GOLGA6L26: variants seen among roughly 807,000 people sequenced by gnomAD.
The protein encoded by GOLGA6L26 is golgin subfamily A member 6-like protein 26.
chr15:23,327,248 T>C, the GOLGA6L26 span: 1 of 356,964 alleles, frequency 2.8e-6, no homozygotes, highest in African/African-American at 7.7e-5. Flanking sequence ...CATCTTCTCT[T>C]CCTGCTCCCC....
the GOLGA6L26 span, chr15:23,327,382 C>G: frequency 1.6e-6 from 1 of 608,280 alleles, no homozygotes. Flanking sequence ...CCTCCTGCCT[C>G]CACATCTTCT....
chr15:23,334,047 C>A, the GOLGA6L26 span: 1 of 386,232 alleles, frequency 2.6e-6, no homozygotes, highest in Non-Finnish European at 4.5e-6. Context: ...TTTGCTCTGT[C>A]TGGTTTCTTT....
At chr15:23,330,448 TA>T in the GOLGA6L26 span, among the ~76,000 whole-genome samples, 5 of 117,496 alleles carry the variant, frequency 4.3e-5, 2 homozygotes, top group Admixed American at 8.0e-5. Flanking sequence ...AACCGCCACT[TA>T]GGACTTGGCC....
chr15:23,327,309 C>T, the GOLGA6L26 span: 322 of 831,230 alleles, frequency 3.9e-4, 38 homozygotes, highest in Non-Finnish European at 5.5e-4. Flanking sequence ...CGTATCTTCT[C>T]CTCCTGCTCC....
At chr15:23,334,175 A>C in the GOLGA6L26 span, 8 of 382,676 alleles carry the variant, frequency 2.1e-5, no homozygotes, top group South Asian at 2.3e-4. Flanking sequence ...ACCTCCAGTC[A>C]CCTCTACGTC....
At chr15:23,327,319 C>T in the GOLGA6L26 span, 5,604 of 922,854 alleles carry the variant, frequency 6.1e-3, 895 homozygotes, top group Non-Finnish European at 6.5e-3. Context: ...CCTCCTGCTC[C>T]CGTATCTTCT....
the GOLGA6L26 span, among the ~76,000 whole-genome samples, chr15:23,333,211 GAC>G: frequency 6.9e-6 from 1 of 144,652 alleles, no homozygotes; most frequent in Non-Finnish European, 1.6e-5. Flanking sequence ...GCCACCCAGA[GAC>G]ACTGTCAACG....
chr15:23,333,541 G>GA, the GOLGA6L26 span, among the ~76,000 whole-genome samples: 1 of 25,690 alleles, frequency 3.9e-5, no homozygotes. Context: ...GACTGGGGAG[G>GA]GGGTCACAAA....
chr15:23,327,430 C>G, the GOLGA6L26 span: 230 of 458,354 alleles, frequency 5.0e-4, 36 homozygotes, highest in Non-Finnish European at 3.4e-4. Flanking sequence ...GGTCGTGCAT[C>G]TTCTCCTCCT....
At chr15:23,327,021 CCTG>C in the GOLGA6L26 span, 1 of 290,452 alleles carries the variant, frequency 3.4e-6, no homozygotes, top group Non-Finnish European at 6.0e-6. Context: ...ATCTTCTCCT[CCTG>C]TTCTTGCATC....
the GOLGA6L26 span, among the ~76,000 whole-genome samples, chr15:23,328,346 C>G: frequency 4.9e-5 from 1 of 20,618 alleles, no homozygotes; most frequent in African/African-American, 1.6e-4. Context: ...GAAACCCCGT[C>G]TCTACTAAAA....
chr15:23,333,386 C>CT, the GOLGA6L26 span, among the ~76,000 whole-genome samples: 2 of 79,106 alleles, frequency 2.5e-5, no homozygotes, highest in Non-Finnish European at 5.7e-5. Context: ...GGCAAGAACA[C>CT]TTAGGGGACT....
the GOLGA6L26 span, among the ~76,000 whole-genome samples, chr15:23,331,552 C>T: frequency 7.6e-6 from 1 of 132,190 alleles, no homozygotes; most frequent in African/African-American, 2.7e-5. Flanking sequence ...AGGCACAGTT[C>T]TCAGACCCAA....
At chr15:23,334,153 G>C in the GOLGA6L26 span, 1 of 561,946 alleles carries the variant, frequency 1.8e-6, no homozygotes, top group Non-Finnish European at 2.7e-6. Context: ...ATCCAGGTGA[G>C]GACAAGTATA....
chr15:23,332,468 AT>A, the GOLGA6L26 span: 3 of 1,285,192 alleles, frequency 2.3e-6, no homozygotes, highest in Non-Finnish European at 3.2e-6. Flanking sequence ...AGACCATCTG[AT>A]TTAATGCCAC....
At chr15:23,330,440 C>T in the GOLGA6L26 span, among the ~76,000 whole-genome samples, 2 of 116,102 alleles carry the variant, frequency 1.7e-5, no homozygotes, top group Admixed American at 1.6e-4. Context: ...AGTACCCTAA[C>T]CGCCACTTAG....
At chr15:23,332,252 AGTGGCAAC>A in the GOLGA6L26 span, 2 of 679,212 alleles carry the variant, frequency 2.9e-6, no homozygotes. Context: ...TCCTCAGGCG[AGTGGCAAC>A]CACCAGAAGT....
the GOLGA6L26 span, chr15:23,334,009 C>G: frequency 6.6e-3 from 1,580 of 237,910 alleles, 27 homozygotes; most frequent in Middle Eastern, 0.026. Flanking sequence ...GGTGTTGGTG[C>G]GTTTACCTGT....
At chr15:23,329,165 T>TGTGCACACGGAAGCTCTA in the GOLGA6L26 span, 1 of 790,834 alleles carries the variant, frequency 1.3e-6, no homozygotes, top group Non-Finnish European at 2.0e-6. Flanking sequence ...AGAGCTTCCG[T>TGTGCACACGGAAGCTCTA]GTGCACACAT....
Sources: allele counts gnomAD v4.1 joint callset (sites outside exome capture counted in the v4.1 genomes callset), GRCh38; gene constraint gnomAD v4.1.1; transcripts MANE v1.5; gene names NCBI Gene and HGNC (gene_info 2026-07-23, HGNC 2026-07-21).